CRYBA4: variants seen among roughly 807,000 people sequenced by gnomAD.
CRYBA4 encodes the protein beta-crystallin A4.
In CRYBA4, 30 loss-of-function variants were observed where a neutral mutation model predicts 31.7. That is an observed-to-expected ratio of 0.95 (90% CI 0.71 to 1.28). The LOEUF is 1.28. CRYBA4 is among the 50% of genes most tolerant of loss of function. CRYBA4 has a pLI of 0.00. For missense variants in CRYBA4, 225 were observed against 260.7 expected (o/e 0.86, Z 0.94); for synonymous variants, 102 against 102.3 (o/e 1.00, Z 0.02).
chr22:26,623,202 C>G, intron 2 of CRYBA4, 32 bp from the exon 3 acceptor site: 1 of 1,567,478 alleles, frequency 6.4e-7, no homozygotes, highest in South Asian at 1.1e-5. Flanking sequence ...GACTCTGATG[C>G]GGATCTCCAC....
At chr22:26,619,763 G>A (rs948497032), upstream of CRYBA4, among the ~76,000 whole-genome samples, 62 of 152,198 alleles carry the variant, frequency 4.1e-4, no homozygotes, top group African/African-American at 1.4e-3. Flanking sequence ...GACGCCTGTG[G>A]TGAGGGCCCA....
At chr22:26,595,574 C>T in the CRYBA4 span, among the ~76,000 whole-genome samples, 2 of 77,414 alleles carry the variant, frequency 2.6e-5, no homozygotes, top group African/African-American at 5.4e-5. Context: ...AGCAAAACTC[C>T]GTCTCAAAAA....
upstream of CRYBA4, among the ~76,000 whole-genome samples, chr22:26,617,683 CTGTT>C (rs1208793330): frequency 2.0e-5 from 3 of 152,072 alleles, no homozygotes; most frequent in Non-Finnish European, 2.9e-5. Flanking sequence ...ATCTGCCTGT[CTGTT>C]TCTCTCCCTC....
the CRYBA4 span, among the ~76,000 whole-genome samples, chr22:26,605,671 C>CAAAAA: frequency 1.5e-3 from 81 of 54,202 alleles, 2 homozygotes; most frequent in South Asian, 6.3e-3. Context: ...AGATGTGTCT[C>CAAAAA]AAAAAAAAAA....
chr22:26,591,518 G>A, the CRYBA4 span, among the ~76,000 whole-genome samples: 3 of 148,766 alleles, frequency 2.0e-5, no homozygotes, highest in Admixed American at 6.8e-5. Flanking sequence ...CGATGCGGGT[G>A]GATCACCAGG....
the CRYBA4 span, chr22:26,612,100 C>G: frequency 1.9e-6 from 3 of 1,613,774 alleles, no homozygotes; most frequent in Non-Finnish European, 2.5e-6. Flanking sequence ...ATGCTGCGCA[C>G]ACGGTCGAAG....
chr22:26,592,331 G>T, the CRYBA4 span, among the ~76,000 whole-genome samples: 3 of 152,112 alleles, frequency 2.0e-5, no homozygotes, highest in Non-Finnish European at 4.4e-5. Context: ...GCAGCTAACA[G>T]GGGGACAAAG....
the CRYBA4 span, among the ~76,000 whole-genome samples, chr22:26,607,019 C>CTT: frequency 3.8e-3 from 426 of 111,942 alleles, 4 homozygotes; most frequent in African/African-American, 4.4e-3. Context: ...TATCCCTCTC[C>CTT]TTTTTTTTTT....
chr22:26,593,717 G>A, the CRYBA4 span, among the ~76,000 whole-genome samples: 4 of 151,948 alleles, frequency 2.6e-5, no homozygotes, highest in African/African-American at 9.7e-5. Context: ...GTAGAGATGG[G>A]ATTTCTTCAT....
At chr22:26,594,103 G>C in the CRYBA4 span, among the ~76,000 whole-genome samples, 1 of 152,134 alleles carries the variant, frequency 6.6e-6, no homozygotes, top group Non-Finnish European at 1.5e-5. Flanking sequence ...AAAAGTAAGT[G>C]GGCAGGTTTT....
chr22:26,624,553 G>T (rs1929645608), intron 3 of CRYBA4, among the ~76,000 whole-genome samples: 1 of 152,190 alleles, frequency 6.6e-6, no homozygotes, highest in African/African-American at 2.4e-5. Context: ...GGTGATTTTT[G>T]CACATCTCAT....
chr22:26,590,223 G>A, the CRYBA4 span: 1 of 138,204 alleles, frequency 7.2e-6, no homozygotes, highest in Non-Finnish European at 1.6e-5. Flanking sequence ...CCCCTCCACT[G>A]CGCCTCGGGA....
In CRYBA4 at chr22:26,623,203, G is replaced by T. The variant is rs761077182; in HGVS notation, c.40-31G>T. 5.7e-6 allele frequency: 9 copies of T among 1,573,410 alleles called. No individual in the cohort carries two copies. The East Asian group carries it at 2.0e-4, about 35-fold the overall frequency. ...CTCACCCTTCACGGGACTCTGATGCGGATCTCCACCTTTTTTTTTTCCTGG... is the reference window on the plus strand; with the variant it reads ...CTCACCCTTCACGGGACTCTGATGCTGATCTCCACCTTTTTTTTTTCCTGG... On this transcript the variant is annotated intron_variant, in intron 2 of 5. Transcript: ENST00000354760.
At chr22:26,602,972 A>G in the CRYBA4 span, among the ~76,000 whole-genome samples, 1 of 151,544 alleles carries the variant, frequency 6.6e-6, no homozygotes, top group Non-Finnish European at 1.5e-5. Context: ...AAATACAAAA[A>G]AAATTAGCCG....
chr22:26,591,466 CAAAA>C, the CRYBA4 span, among the ~76,000 whole-genome samples: 3 of 112,306 alleles, frequency 2.7e-5, no homozygotes, highest in East Asian at 5.2e-4. Flanking sequence ...GACTCTGTCT[CAAAA>C]AAAAAAAAAA....
At chr22:26,614,339 C>T in the CRYBA4 span, among the ~76,000 whole-genome samples, 1 of 152,148 alleles carries the variant, frequency 6.6e-6, no homozygotes, top group South Asian at 2.1e-4. Context: ...GTGATGTCTC[C>T]CCCGGACGCC....
At chr22:26,606,781 A>G in the CRYBA4 span, among the ~76,000 whole-genome samples, 2 of 152,192 alleles carry the variant, frequency 1.3e-5, no homozygotes, top group African/African-American at 4.8e-5. Context: ...AAATGTTCCC[A>G]TCATGGAAGA....
intron 1 of CRYBA4, 65 bp from the exon 2 acceptor site, chr22:26,622,520 C>T: frequency 7.1e-7 from 1 of 1,411,550 alleles, no homozygotes; most frequent in Non-Finnish European, 1.0e-6. Context: ...TCCAAGCCAG[C>T]CATCTGCATA....
chr22:26,599,802 A>G, the CRYBA4 span: 3 of 771,142 alleles, frequency 3.9e-6, no homozygotes, highest in Non-Finnish European at 6.8e-6. Context: ...TGTCCTGGCT[A>G]TATCCCTTCC....
Sources: gnomAD v4.1 joint callset for allele counts (sites outside exome capture counted in the v4.1 genomes callset) on GRCh38, gnomAD v4.1.1 for gene constraint, MANE v1.5 for transcripts, NCBI Gene and HGNC (gene_info 2026-07-23, HGNC 2026-07-21) for gene names.